OPRM1: variants seen among roughly 807,000 people sequenced by gnomAD.
The protein encoded by OPRM1 is opioid receptor mu 1.
A neutral mutation model predicts 31.8 loss-of-function variants in OPRM1; 27 were observed. The observed-to-expected ratio is 0.85, with a 90% CI of 0.63 to 1.17. The LOEUF (loss-of-function observed/expected upper bound fraction) is 1.17. Among genes scored for constraint, OPRM1 ranks in the 50% most tolerant of loss-of-function variants. The pLI, the probability that OPRM1 is intolerant of heterozygous loss-of-function variation, is 0.00. For missense variants in OPRM1, 536 were observed against 511.1 expected, an observed-to-expected ratio of 1.05 and a Z score of -0.47; for synonymous variants, 196 against 189.9, an observed-to-expected ratio of 1.03 and a Z score of -0.26.
chr6:154,029,392 C>T (rs73788965), intron 1 of OPRM1, among the ~76,000 whole-genome samples: 4,538 of 152,218 alleles, frequency 0.03, 214 homozygotes, highest in African/African-American at 0.1. Context: ...AATCTTGAAA[C>T]TGCCTTCAAA....
At chr6:154,214,483 T>C (rs959317116) in intron 3 of OPRM1, among the ~76,000 whole-genome samples, 2 of 152,230 alleles carry the variant, frequency 1.3e-5, no homozygotes, top group African/African-American at 4.8e-5. Context: ...TAAGGTAAGA[T>C]GTGAGGTGGC....
At chr6:154,088,802 T>G (rs1365652358) in intron 1 of OPRM1, among the ~76,000 whole-genome samples, 1 of 152,260 alleles carries the variant, frequency 6.6e-6, no homozygotes, top group Admixed American at 6.5e-5. Context: ...ATACAAGTTC[T>G]TCATGTACTG....
At chr6:154,230,476 T>C (rs1035886720) in intron 3 of OPRM1, among the ~76,000 whole-genome samples, 1 of 152,232 alleles carries the variant, frequency 6.6e-6, no homozygotes, top group African/African-American at 2.4e-5. Context: ...CATGATAACA[T>C]TTGCCCTTTT....
At chr6:154,020,891 G>T (rs1778328376) in intron 1 of OPRM1, among the ~76,000 whole-genome samples, 1 of 152,146 alleles carries the variant, frequency 6.6e-6, no homozygotes, top group African/African-American at 2.4e-5. Flanking sequence ...TTTTGCAAAT[G>T]TTTTCTCCCA....
intron 3 of OPRM1, among the ~76,000 whole-genome samples, chr6:154,105,292 A>C (rs1795416091): frequency 6.6e-6 from 1 of 152,238 alleles, no homozygotes; most frequent in South Asian, 2.1e-4. Flanking sequence ...ATAGCTTAAA[A>C]GAAAAGTTTT....
In OPRM1 at chr6:154,188,590, A is replaced by G. The variant is rs1218632885; in HGVS notation, c.1165-58103A>G. On this transcript the variant is annotated intron_variant, in intron 3 of 3. Transcript: ENST00000337049. The stretch of plus-strand genomic sequence containing the variant: ...GCCAAGAGTATCCTAAACACCCTTA[A>G]AAAAAGAACAAAGTAGGAAAACATG... Among the ~76,000 whole-genome samples, 3 of 152,212 alleles carry G rather than the reference A, an allele frequency of 2.0e-5. No homozygotes were observed. In the East Asian group the frequency reaches 5.8e-4, roughly 29 times the overall value.
In OPRM1 at chr6:154,032,470, C is replaced by T. The variant is rs572554068; in HGVS notation, c.1-6691C>T. Among the ~76,000 whole-genome samples the T allele has an allele frequency of 2.6e-5, 4 of 152,306 alleles. No homozygotes were observed. The East Asian group carries it at 5.8e-4, about 22-fold the overall frequency. ...TTGTTTTTAGAGACAGGATCTCTCTCTATCACCCAGGCTGGAGTGCAGTGG... is the reference window on the plus strand; with the variant it reads ...TTGTTTTTAGAGACAGGATCTCTCTTTATCACCCAGGCTGGAGTGCAGTGG... On this transcript the variant is annotated intron_variant, in intron 1 of 5. Coordinates refer to the OPRM1 transcript ENST00000434900.
rs553810216 is a variant in OPRM1 at position 154,106,525 on chromosome 6, C to T, written c.1165-12158C>T. Among the ~76,000 whole-genome samples, 10 of 152,316 alleles carry T rather than the reference C, an allele frequency of 6.6e-5. No individual in the cohort carries two copies. The South Asian group carries it at 1.9e-3, about 28-fold the overall frequency. ...TTTATGAAGCATTTAGGAGTCCTTA[C>T]AACCTTTGAATTACACAACATTTCT... On this transcript the variant is annotated intron_variant, in intron 3 of 3. Transcript: ENST00000330432.
intron 3 of OPRM1, among the ~76,000 whole-genome samples, chr6:154,203,779 C>T (rs1480475990): frequency 1.3e-5 from 2 of 152,180 alleles, no homozygotes; most frequent in African/African-American, 4.8e-5. Flanking sequence ...TTGTTTGACA[C>T]ATAATTGGTG....
intron 3 of OPRM1, among the ~76,000 whole-genome samples, chr6:154,143,945 A>G (rs188704511): frequency 2.0e-5 from 3 of 152,366 alleles, no homozygotes; most frequent in Non-Finnish European, 2.9e-5. Flanking sequence ...AGAGAAAGAG[A>G]GAGAGAAAGG....
chr6:154,160,052 G>GA, intron 3 of OPRM1: 8 of 1,582,938 alleles, frequency 5.1e-6, no homozygotes, highest in Admixed American at 1.8e-5. Context: ...TGTGTGAGTA[G>GA]AAAAAAAGGG....
chr6:154,143,854 A>G (rs1798285799), intron 3 of OPRM1, among the ~76,000 whole-genome samples: 1 of 152,212 alleles, frequency 6.6e-6, no homozygotes, highest in Non-Finnish European at 1.5e-5. Flanking sequence ...CAGAAAAACA[A>G]TAGAGAAAAT....
chr6:154,159,012 A>T (rs1344616123), intron 3 of OPRM1: 1 of 152,242 alleles, frequency 6.6e-6, no homozygotes, highest in Admixed American at 6.5e-5. Context: ...CACTATGTAT[A>T]GGGATCACAG....
rs746389905 is a variant in OPRM1, at chr6:154,093,423, GGTGGAGCATTTCTCCTGA to G, written c.1164+1954_1164+1971del. The G allele has an allele frequency of 4.5e-5, 72 of 1,613,934 alleles. No individual in the cohort carries two copies. The Middle Eastern group carries it at 9.9e-4, about 22-fold the overall frequency. On this transcript the variant is annotated intron_variant, in intron 3 of 3. Coordinates refer to ENST00000330432, the MANE Select transcript of OPRM1 (RefSeq NM_000914.5). ...TGGAAATACTGCTCCCAGCCCGTCT[GGTGGAGCATTTCTCCTGA>G]GTTAAGCATGATTATTCTTCAGTTG...
At chr6:154,069,193 G>T (rs1347277179) in intron 1 of OPRM1, among the ~76,000 whole-genome samples, 1 of 152,114 alleles carries the variant, frequency 6.6e-6, no homozygotes, top group African/African-American at 2.4e-5. Flanking sequence ...GCAGTGTGCA[G>T]AAGCTTTTTA....
intron 1 of OPRM1, among the ~76,000 whole-genome samples, chr6:154,042,042 G>A (rs932306022): frequency 6.6e-6 from 1 of 152,090 alleles, no homozygotes; most frequent in African/African-American, 2.4e-5. Context: ...TGGTGACGGT[G>A]CATCTTACTG....
rs138559174 is a variant in OPRM1, at chr6:154,167,467, C to T, written c.1164+75995C>T. Among the ~76,000 whole-genome samples, 289 of 152,302 alleles carry T rather than the reference C, an allele frequency of 1.9e-3. 1 individual carries two copies. Among genetic ancestry groups the T allele is most frequent in the African/African-American group, 6.6e-3 (273 of 41,568 alleles). ...ATCTTTGCTGCAGCTGAAATCAAGA[C>T]ATTTCCTTCTGGATGCAGTCCTGAA... On this transcript the variant is annotated intron_variant, in intron 3 of 3. Transcript: ENST00000337049.
chr6:154,109,788 CTCTCTGTGTGTGTGTGTGTGTG>C (rs759075340), intron 3 of OPRM1, among the ~76,000 whole-genome samples: 2 of 103,918 alleles, frequency 1.9e-5, no homozygotes, highest in African/African-American at 6.6e-5. Flanking sequence ...CTCTCTCTCT[CTCTCTGTGTGTGTGTGTGTGTG>C]TGTGTGTGTG....
chr6:154,244,000 C>G (rs923464513), intron 3 of OPRM1, among the ~76,000 whole-genome samples: 5 of 152,204 alleles, frequency 3.3e-5, no homozygotes, highest in African/African-American at 1.2e-4. Context: ...TCTGCTACCT[C>G]TCAGCATTAG....
Sources: allele counts gnomAD v4.1 joint callset (sites outside exome capture counted in the v4.1 genomes callset), GRCh38; gene constraint gnomAD v4.1.1; transcripts MANE v1.5; gene names NCBI Gene and HGNC (gene_info 2026-07-23, HGNC 2026-07-21).